Variants in HIP1 observed in about 807,000 individuals in gnomAD.
The protein encoded by HIP1 is huntingtin-interacting protein 1.
HIP1 carries 65 observed loss-of-function variants against 147.6 expected under a neutral mutation model. The ratio of observed to expected loss-of-function variants is 0.44; its 90% CI spans 0.36 to 0.54. HIP1 has a LOEUF of 0.54. HIP1 is among the 20% of genes least tolerant of loss of function. The pLI is 0.00. For missense variants in HIP1, 1,061 were observed against 1,299.6 expected (o/e 0.82, Z 2.82); for synonymous variants, 479 against 504.0 (o/e 0.95, Z 0.67).
chr7:75,558,923 G>T (rs1321579353), intron 14 of HIP1, among the ~76,000 whole-genome samples: 1 of 152,118 alleles, frequency 6.6e-6, no homozygotes, highest in African/African-American at 2.4e-5. Context: ...GGAGGCTGAG[G>T]CAGGACAATC....
chr7:75,639,707 G>A (rs1554510219), intron 1 of HIP1, among the ~76,000 whole-genome samples: 1 of 151,994 alleles, frequency 6.6e-6, no homozygotes. Context: ...GGACAGATGG[G>A]GGGCGCAGGA....
chr7:75,583,756 TTGTGTGTGTGTGTGTGTGTG>T lies in HIP1; in HGVS notation c.466-1625_466-1606del, dbSNP rs60640180. Among the ~76,000 whole-genome samples, 37 of 115,518 alleles carry T rather than the reference TTGTGTGTGTGTGTGTGTGTG, an allele frequency of 3.2e-4. No individual in the cohort carries two copies. In the South Asian group the frequency reaches 3.5e-3, roughly 11 times the overall value. The allele number at this position is 115,518 out of a possible 152,430, so 75.8% of individuals were successfully genotyped here. On this transcript the variant is annotated intron_variant, in intron 5 of 30. Coordinates refer to ENST00000336926, the MANE Select transcript of HIP1 (RefSeq NM_005338.7). ...GGCATACACCACCATGCGGGCTAATTTGTGTGTGTGTGTGTGTGTGTGTGTGTGTGTGTGTGTGTGTGTGT... is the reference window on the plus strand; with the variant it reads ...GGCATACACCACCATGCGGGCTAATTTGTGTGTGTGTGTGTGTGTGTGTGT...
intron 1 of HIP1, among the ~76,000 whole-genome samples, chr7:75,612,466 G>A (rs587599050): frequency 2.0e-5 from 3 of 151,778 alleles, no homozygotes; most frequent in East Asian, 1.9e-4. Context: ...CCGAATTCGC[G>A]CCACTGCACT....
At chr7:75,593,853 T>C (rs2116978229) in intron 2 of HIP1, among the ~76,000 whole-genome samples, 1 of 152,196 alleles carries the variant, frequency 6.6e-6, no homozygotes, top group Non-Finnish European at 1.5e-5. Flanking sequence ...TAAACCCACC[T>C]GGCCCTGTTC....
At position 75,536,842 on chromosome 7, in the gene HIP1, A is replaced by G; in HGVS notation, c.*1330T>C. On this transcript the variant is annotated 3_prime_UTR_variant, in exon 31 of 31. Transcript: ENST00000336926. ...TGCTAGAGTCACACCTGAAGTTCTG[A>G]TTGCTCCAAGCATCTCTTTGTAGGC... 1 of 230,802 alleles carries G rather than the reference A, an allele frequency of 4.3e-6. No individual in the cohort carries two copies. Among genetic ancestry groups the G allele is most frequent in the Non-Finnish European group, 8.6e-6 (1 of 116,548 alleles). The allele number at this position is 230,802 out of a possible 1,614,324, so 14.3% of individuals were successfully genotyped here. A position where few individuals can be genotyped will look rare whatever the true frequency, so the allele number is the denominator to read the frequency against.
intron 1 of HIP1, among the ~76,000 whole-genome samples, chr7:75,664,505 T>G (rs1484694306): frequency 6.7e-6 from 1 of 148,200 alleles, no homozygotes; most frequent in Non-Finnish European, 1.5e-5. Flanking sequence ...TACATATATA[T>G]GTATGTGTAT....
intron 1 of HIP1, among the ~76,000 whole-genome samples, chr7:75,642,374 A>C (rs1798676489): frequency 1.3e-5 from 2 of 152,296 alleles, no homozygotes; most frequent in South Asian, 4.1e-4. Context: ...CGTCTCTACT[A>C]AAAATACAAA....
At chr7:75,662,822 G>A (rs1348639916) in intron 1 of HIP1, among the ~76,000 whole-genome samples, 1 of 152,126 alleles carries the variant, frequency 6.6e-6, no homozygotes, top group East Asian at 1.9e-4. Flanking sequence ...GAGGACACGA[G>A]GGCCTGTTTT....
At chr7:75,735,536 C>T (rs1285420430) in intron 1 of HIP1, among the ~76,000 whole-genome samples, 4 of 152,082 alleles carry the variant, frequency 2.6e-5, no homozygotes, top group African/African-American at 9.7e-5. Context: ...TTTTTTATAT[C>T]TCATAATACA....
intron 25 of HIP1, among the ~76,000 whole-genome samples, chr7:75,545,896 G>A (rs1794543564): frequency 6.6e-6 from 1 of 152,122 alleles, no homozygotes; most frequent in Non-Finnish European, 1.5e-5. Flanking sequence ...AGCCGAGATT[G>A]CACCACTGCA....
Position 75,638,308 on chromosome 7 carries a change from G to C in HIP1, c.121-39061C>G, listed in dbSNP as rs571106796. On this transcript the variant is annotated intron_variant, in intron 1 of 30. Coordinates refer to ENST00000336926, the MANE Select transcript of HIP1 (RefSeq NM_005338.7). The stretch of plus-strand genomic sequence containing the variant: ...TCAGAATCCCCCAAATCACATCCTG[G>C]TACCGGCTGAAGGCTGCTCCTTGGT... Among the ~76,000 whole-genome samples, 10 of 151,766 alleles carry C rather than the reference G, an allele frequency of 6.6e-5. No individual in the cohort carries two copies. The East Asian group carries it at 1.9e-3, about 30-fold the overall frequency.
chr7:75,616,733 G>A (rs1554506126), intron 1 of HIP1, among the ~76,000 whole-genome samples: 1 of 152,168 alleles, frequency 6.6e-6, no homozygotes, highest in African/African-American at 2.4e-5. Context: ...AGGCAGGGCA[G>A]CCTATGAGGG....
At chr7:75,684,156 A>G (rs1800181047) in intron 1 of HIP1, among the ~76,000 whole-genome samples, 1 of 151,760 alleles carries the variant, frequency 6.6e-6, no homozygotes, top group South Asian at 2.1e-4. Flanking sequence ...ACAAAAAACC[A>G]CACAAAAAGG....
chr7:75,691,798 A>G (rs1344051993), intron 1 of HIP1, among the ~76,000 whole-genome samples: 1 of 152,124 alleles, frequency 6.6e-6, no homozygotes, highest in Admixed American at 6.6e-5. Flanking sequence ...CAAAAAACAA[A>G]CAAACAAAAA....
intron 1 of HIP1, among the ~76,000 whole-genome samples, chr7:75,688,704 G>C (rs1800348220): frequency 6.6e-6 from 1 of 152,120 alleles, no homozygotes; most frequent in Non-Finnish European, 1.5e-5. Context: ...CAAACCAGCA[G>C]GTGGGAGGTT....
At chr7:75,730,714 C>A (rs1554522922) in intron 1 of HIP1, among the ~76,000 whole-genome samples, 1 of 151,128 alleles carries the variant, frequency 6.6e-6, no homozygotes, top group East Asian at 2.0e-4. Context: ...TTACCATTTG[C>A]ACACAGTATG....
rs1795491950 is a variant in HIP1 at position 75,568,420 on chromosome 7, GA to G, written c.746-165del. Among the ~76,000 whole-genome samples the G allele has an allele frequency of 6.6e-6, 1 of 152,156 alleles. No homozygotes were observed. ...CTGTCCCGAGGTCTGGTAACCAAGG[GA>G]GCCCAGCAGGAACCAGCAGGAGTGT... On this transcript the variant is annotated intron_variant, in intron 8 of 30. Coordinates refer to ENST00000336926, the MANE Select transcript of HIP1 (RefSeq NM_005338.7). The surrounding 1 kb of genome is among the most constrained non-coding windows in gnomAD (Gnocchi z 4.1).
chr7:75,564,690 G>C (rs1256178106), intron 9 of HIP1, among the ~76,000 whole-genome samples: 2 of 152,048 alleles, frequency 1.3e-5, no homozygotes, highest in East Asian at 3.9e-4. Context: ...GACCTCCCTG[G>C]GCCCAAGGGA....
chr7:75,712,995 CACTT>C (rs1443851442), intron 1 of HIP1, among the ~76,000 whole-genome samples: 3 of 152,242 alleles, frequency 2.0e-5, no homozygotes, highest in Admixed American at 6.5e-5. Flanking sequence ...TCCATTTGGT[CACTT>C]ACTTATTCAT....
Sources: allele counts gnomAD v4.1 joint callset (sites outside exome capture counted in the v4.1 genomes callset), GRCh38; gene constraint gnomAD v4.1.1; non-coding constraint Gnocchi (gnomAD v3.1); transcripts MANE v1.5; gene names NCBI Gene and HGNC (gene_info 2026-07-23, HGNC 2026-07-21).